PLD5: variants seen among roughly 807,000 people sequenced by gnomAD.
PLD5 encodes the protein inactive phospholipase D5.
A neutral mutation model predicts 61.1 loss-of-function variants in PLD5; 36 were observed. The ratio of observed to expected loss-of-function variants is 0.59; its 90% CI spans 0.45 to 0.78. The LOEUF (loss-of-function observed/expected upper bound fraction) is 0.78. PLD5 is among the 30% of genes least tolerant of loss of function. The pLI is 0.00. For synonymous variants in PLD5, 243 were observed against 242.8 expected (o/e 1.00, Z -0.01); for missense variants, 515 against 644.4 (o/e 0.80, Z 2.17).
At chr1:242,274,525 C>T (rs538685302) in intron 3 of PLD5, among the ~76,000 whole-genome samples, 10 of 152,172 alleles carry the variant, frequency 6.6e-5, no homozygotes, top group African/African-American at 1.4e-4. Context: ...GAGGCCGAGG[C>T]GGGTGGATCA....
intron 5 of PLD5, among the ~76,000 whole-genome samples, chr1:242,149,110 C>G (rs1664746274): frequency 6.8e-6 from 1 of 147,840 alleles, no homozygotes; most frequent in Non-Finnish European, 1.5e-5. Context: ...TAGTCTTTTT[C>G]TATTAAATAT....
chr1:242,526,574 T>C (rs11589201), upstream of PLD5, among the ~76,000 whole-genome samples: 22,887 of 152,098 alleles, frequency 0.15, 1,728 homozygotes, highest in East Asian at 0.19. Context: ...TAACTGGGAC[T>C]ACAGGTGCAC....
At chr1:242,380,510 C>T (rs1352930426) in intron 1 of PLD5, among the ~76,000 whole-genome samples, 2 of 152,058 alleles carry the variant, frequency 1.3e-5, no homozygotes, top group African/African-American at 2.4e-5. Flanking sequence ...GTTGCTTCTC[C>T]CAAACCCTCT....
At chr1:242,411,304 C>T (rs112955515) in intron 1 of PLD5, among the ~76,000 whole-genome samples, 5,014 of 152,202 alleles carry the variant, frequency 0.033, 293 homozygotes, top group African/African-American at 0.11. Context: ...GGCACGATCT[C>T]GGCTCACTGC....
intron 1 of PLD5, among the ~76,000 whole-genome samples, chr1:242,463,886 A>T (rs989557921): frequency 6.6e-6 from 1 of 151,668 alleles, no homozygotes; most frequent in East Asian, 1.9e-4. Context: ...TTCTCCCCAT[A>T]TTCTCCACCA....
intron 1 of PLD5, among the ~76,000 whole-genome samples, chr1:242,517,727 G>C (rs1669149182): frequency 6.6e-6 from 1 of 151,902 alleles, no homozygotes; most frequent in South Asian, 2.1e-4. Context: ...ACATCTTCAG[G>C]GAAGGGACCC....
intron 1 of PLD5, among the ~76,000 whole-genome samples, chr1:242,361,932 C>G (rs1213122842): frequency 6.7e-6 from 1 of 149,592 alleles, no homozygotes; most frequent in African/African-American, 2.5e-5. Flanking sequence ...GCCAAGAATT[C>G]AAGACTACCC....
upstream of PLD5, among the ~76,000 whole-genome samples, chr1:242,525,168 G>A (rs1183175015): frequency 2.6e-5 from 4 of 152,132 alleles, no homozygotes; most frequent in Non-Finnish European, 4.4e-5. Context: ...GAAAATAGCC[G>A]AGAGACATGT....
At chr1:242,418,377 T>C (rs1287714976) in intron 1 of PLD5, among the ~76,000 whole-genome samples, 2 of 152,058 alleles carry the variant, frequency 1.3e-5, no homozygotes, top group African/African-American at 2.4e-5. Context: ...GAATAGACAA[T>C]TGGATGTGTG....
intron 1 of PLD5, among the ~76,000 whole-genome samples, chr1:242,434,203 C>T (rs146062029): frequency 1.3e-5 from 2 of 152,256 alleles, no homozygotes; most frequent in Non-Finnish European, 2.9e-5. Flanking sequence ...GGACCAGCGT[C>T]GGTAGAAATG....
At chr1:242,334,955 G>A (rs397801674) in intron 2 of PLD5, among the ~76,000 whole-genome samples, 3 of 151,974 alleles carry the variant, frequency 2.0e-5, no homozygotes, top group Admixed American at 6.6e-5. Flanking sequence ...TTATTTCTCC[G>A]CAAATTTGCA....
At chr1:242,368,599 G>C (rs1661467546) in intron 1 of PLD5, among the ~76,000 whole-genome samples, 1 of 152,044 alleles carries the variant, frequency 6.6e-6, no homozygotes, top group Admixed American at 6.6e-5. Flanking sequence ...ATCTGCATAG[G>C]GCATGAATCT....
intron 1 of PLD5, among the ~76,000 whole-genome samples, chr1:242,433,772 G>T (rs568983685): frequency 2.6e-5 from 4 of 152,066 alleles, no homozygotes; most frequent in Non-Finnish European, 5.9e-5. Context: ...ATGTGAGGAC[G>T]TTTCAGTAGT....
At chr1:242,175,022 C>G (rs1667030451) in intron 5 of PLD5, among the ~76,000 whole-genome samples, 1 of 151,970 alleles carries the variant, frequency 6.6e-6, no homozygotes, top group African/African-American at 2.4e-5. Context: ...GCACATGTAC[C>G]CTAGAACTTA....
intron 6 of PLD5, 30 bp downstream of exon 6, chr1:242,124,438 G>T: frequency 6.3e-7 from 1 of 1,593,696 alleles, no homozygotes. Context: ...GGAAGAAGGA[G>T]AAGGGGAGGA....
At chr1:242,127,162 G>A (rs919329122) in intron 5 of PLD5, among the ~76,000 whole-genome samples, 2 of 152,158 alleles carry the variant, frequency 1.3e-5, no homozygotes, top group Admixed American at 1.3e-4. Context: ...AATAGATGTT[G>A]GCGTGGATGT....
chr1:242,378,137 C>T (rs756355459), intron 1 of PLD5, among the ~76,000 whole-genome samples: 15 of 152,068 alleles, frequency 9.9e-5, no homozygotes, highest in Non-Finnish European at 1.8e-4. Context: ...ATGAATGGAT[C>T]GACAAAATGT....
intron 1 of PLD5, among the ~76,000 whole-genome samples, chr1:242,459,767 C>T (rs1667058775): frequency 6.6e-6 from 1 of 152,094 alleles, no homozygotes; most frequent in Non-Finnish European, 1.5e-5. Flanking sequence ...TTTCACATCA[C>T]CAAGATTCCT....
intron 2 of PLD5, among the ~76,000 whole-genome samples, chr1:242,329,925 G>A (rs868330422): frequency 6.6e-6 from 1 of 152,048 alleles, no homozygotes; most frequent in African/African-American, 2.4e-5. Context: ...GGCTACTAAG[G>A]GACTCACAGA....
Sources: allele counts gnomAD v4.1 joint callset (sites outside exome capture counted in the v4.1 genomes callset), GRCh38; gene constraint gnomAD v4.1.1; transcripts MANE v1.5; gene names NCBI Gene and HGNC (gene_info 2026-07-23, HGNC 2026-07-21).